The following LTK variants were observed in gnomAD, a reference collection of about 807,000 sequenced individuals.
LTK encodes leukocyte tyrosine kinase receptor.
In LTK, 117 loss-of-function variants were observed where a neutral mutation model predicts 101.5. The observed-to-expected ratio is 1.15, with a 90% confidence interval of 0.99 to 1.34. The LOEUF is 1.34. LTK is among the 40% of genes most tolerant of loss of function. LTK has a pLI of 0.00. For missense variants in LTK, 1,252 were observed against 1,164.7 expected, an observed-to-expected ratio of 1.07 and a Z score of -1.09; for synonymous variants, 563 against 494.2, an observed-to-expected ratio of 1.14 and a Z score of -1.85.
Position 41,507,223 on chromosome 15 carries a change from C to T in LTK, c.1413G>A (p.Lys471=). 1 of 1,613,368 alleles carries T rather than the reference C, an allele frequency of 6.2e-7. No homozygotes were observed. The highest frequency in any genetic ancestry group is 1.7e-5 in the Admixed American group (1 of 59,690). ...RLPSPELELS[K]LRTSAIRTAP... The stretch of plus-strand genomic sequence containing the variant: ...CTGTCCTGATGGCAGAGGTTCGAAG[C>T]TTGCTCAGCTCAAGCTCAGGGCTCG... The change falls in exon 11 of 20, where the codon AAG becomes AAA. Residue 471 remains lysine (K), a synonymous_variant. Coordinates refer to ENST00000263800, the MANE Select transcript of LTK (RefSeq NM_002344.6).
chr15:41,511,581 G>T lies in LTK; in HGVS notation c.658-3C>A. On this transcript the variant is annotated splice_region_variant and splice_polypyrimidine_tract_variant and intron_variant, in intron 5 of 19. Coordinates refer to ENST00000263800, the MANE Select transcript of LTK (RefSeq NM_002344.6). This position sits in a 1 kb window ranked among gnomAD's most constrained non-coding sequence, Gnocchi z 5.9. The stretch of plus-strand genomic sequence containing the variant: ...GGTTCCAGCTCGCCAGCGCGCACCT[G>T]TGGGGCCAGCGGCGTGTTCCAGGAA... 6.9e-7 allele frequency: 1 copy of T among 1,440,824 alleles called. No homozygotes were observed. The highest frequency in any genetic ancestry group is 9.0e-7 in the Non-Finnish European group (1 of 1,109,200). The allele number at this position is 1,440,824 out of a possible 1,614,324, so 89.3% of individuals were successfully genotyped here. A position where few individuals can be genotyped will look rare whatever the true frequency, so the allele number is the denominator to read the frequency against.
intron 13 of LTK, 70 bp from the exon 14 acceptor site, chr15:41,505,600 C>A: frequency 1.2e-6 from 2 of 1,607,898 alleles, no homozygotes; most frequent in South Asian, 2.2e-5. Flanking sequence ...CTCCACAAAG[C>A]TGGAGAGGCC....
chr15:41,512,047 TC>T lies in LTK; in HGVS notation c.510+67del, dbSNP rs2051488640. The T allele has an allele frequency of 1.0e-5, 15 of 1,484,926 alleles. No individual in the cohort carries two copies. In the South Asian group the frequency reaches 1.6e-4, roughly 15 times the overall value. The allele number at this position is 1,484,926 out of a possible 1,614,324, so 92.0% of individuals were successfully genotyped here. On this transcript the variant is annotated intron_variant, in intron 4 of 19. Coordinates refer to ENST00000263800, the MANE Select transcript of LTK (RefSeq NM_002344.6). ...TGACCCGGCACCGAGGAAAGCACGCTCCCCCGGCCCCCAGGCAGCCCTCGCC... is the reference window on the plus strand; with the variant it reads ...TGACCCGGCACCGAGGAAAGCACGCTCCCCGGCCCCCAGGCAGCCCTCGCC...
chr15:41,505,378 G>GT (rs765502398), intron 14 of LTK, 23 bp downstream of exon 14: 2 of 1,613,706 alleles, frequency 1.2e-6, no homozygotes, highest in South Asian at 1.1e-5. Flanking sequence ...AGGGGCCTGG[G>GT]GGGGCTAAGA....
intron 1 of LTK, 87 bp downstream of exon 1, chr15:41,513,580 C>T: frequency 7.9e-7 from 1 of 1,265,766 alleles, no homozygotes; most frequent in Non-Finnish European, 1.2e-6. Flanking sequence ...GGAGGAACCA[C>T]TGACACCTGG....
In LTK at chr15:41,511,174, GCCGCCGCCTCCGCCCGCAGTGCAGGCC is replaced by G. The variant is rs1223976885; in HGVS notation, c.960_986del (p.Ala321_Gly329del). ...CAACGGTGCACCTACCCCTGTAGCC[GCCGCCGCCTCCGCCCGCAGTGCAGGCC>G]CCGCCGCCGCCCCCGAAGCCGCCGG... On this transcript the variant is annotated inframe_deletion, in exon 7 of 20. Coordinates refer to ENST00000263800, the MANE Select transcript of LTK (RefSeq NM_002344.6). The surrounding 1 kb of genome is among the most constrained non-coding windows in gnomAD (Gnocchi z 5.9). 1.4e-6 allele frequency: 2 copies of G among 1,405,746 alleles called. No individual in the cohort carries two copies. The highest frequency in any genetic ancestry group is 1.8e-6 in the Non-Finnish European group (2 of 1,088,410). 87.1% of individuals were successfully genotyped at this position (1,405,746 alleles called of 1,614,324 possible).
At chr15:41,507,419 T>A in intron 10 of LTK, 129 bp from the exon 11 acceptor site, 1 of 1,522,704 alleles carries the variant, frequency 6.6e-7, no homozygotes, top group Non-Finnish European at 8.9e-7. Context: ...AGCTCCTTCC[T>A]ATCTTAGAAT....
intron 13 of LTK, 67 bp downstream of exon 13, chr15:41,505,646 G>A: frequency 1.2e-6 from 2 of 1,607,270 alleles, no homozygotes; most frequent in South Asian, 2.2e-5. Context: ...CAGCCTCAGG[G>A]TGAAGAGAAA....
rs150610943 is a variant in LTK at position 41,508,191 on chromosome 15, C to T, written c.1127G>A (p.Arg376Gln). The T allele has an allele frequency of 2.1e-5, 34 of 1,612,522 alleles. No individual in the cohort carries two copies. Among genetic ancestry groups the T allele is most frequent in the Non-Finnish European group, 2.6e-5 (31 of 1,179,346 alleles). Residue 376 changes from arginine (R) to glutamine (Q), a missense_variant, in exon 9 of 20, where the codon CGA (arginine) becomes CAA (glutamine). Arg to Gln is a conservative substitution (Grantham distance 43). Coordinates refer to ENST00000263800, the MANE Select transcript of LTK (RefSeq NM_002344.6). ...VTENHGEVEI[R>Q]RHLNCSHCPL... ...GCAGTGACTGCAGTTGAGGTGCCTTCGGATCTCTACCTCTCCGTGGTTCTC... is the reference window on the plus strand; with the variant it reads ...GCAGTGACTGCAGTTGAGGTGCCTTTGGATCTCTACCTCTCCGTGGTTCTC...
At chr15:41,504,686 C>G (rs960860616) in intron 17 of LTK, 46 bp from the exon 18 acceptor site, 18 of 1,606,644 alleles carry the variant, frequency 1.1e-5, no homozygotes, top group Non-Finnish European at 1.5e-5. Context: ...CAGGTGTAGC[C>G]TCCCCTCACA....
intron 10 of LTK, 24 bp downstream of exon 10, chr15:41,507,538 C>T (rs769420497): frequency 1.2e-6 from 2 of 1,610,732 alleles, no homozygotes; most frequent in South Asian, 1.1e-5. Flanking sequence ...CTTGAATCAA[C>T]TGTGCCTGCT....
At chr15:41,507,336 C>G in intron 10 of LTK, 46 bp from the exon 11 acceptor site, 2 of 1,533,326 alleles carry the variant, frequency 1.3e-6, no homozygotes, top group Non-Finnish European at 1.8e-6. Flanking sequence ...TGCCCATCAA[C>G]TCTCCCTCCC....
Position 41,508,223 on chromosome 15 carries a change from T to C in LTK, c.1097-2A>G. On this transcript the variant is annotated splice_acceptor_variant, in intron 8 of 19. Transcript: ENST00000263800. LOFTEE classifies it high-confidence loss of function. ...CTACCTCTCCGTGGTTCTCGGTGAC[T>C]GTGAGTAAAAGAACTGATATGATAT... The C allele has an allele frequency of 6.2e-7, 1 of 1,609,138 alleles. No individual in the cohort carries two copies. Among genetic ancestry groups the C allele is most frequent in the Non-Finnish European group, 8.5e-7 (1 of 1,177,900 alleles).
At position 41,513,009 on chromosome 15, in the gene LTK, A is replaced by C; in HGVS notation, c.155T>G (p.Ile52Ser). Residue 52 changes from isoleucine (I) to serine (S), a missense_variant, in exon 2 of 20, where the codon ATC becomes AGC. Coordinates refer to ENST00000263800, the MANE Select transcript of LTK (RefSeq NM_002344.6). ...RDPKVSAPPS[I>S]LEPASPLNSP... ...ATTCAGCGGGGAGGCTGGCTCCAAG[A>C]TACTAGGCGGGGCGCTGACTTTCGG... The C allele has an allele frequency of 6.2e-7, 1 of 1,613,378 alleles. No individual in the cohort carries two copies. The highest frequency in any genetic ancestry group is 8.5e-7 in the Non-Finnish European group (1 of 1,179,880).
chr15:41,512,777 C>G lies in LTK; in HGVS notation c.289G>C (p.Val97Leu). 6.2e-7 allele frequency: 1 copy of G among 1,611,636 alleles called. No homozygotes were observed. The highest frequency in any genetic ancestry group is 8.5e-7 in the Non-Finnish European group (1 of 1,179,532). The change falls in exon 3 of 20, where the codon GTG becomes CTG. Residue 97 changes from valine (V) to leucine (L), a missense_variant. Val to Leu is a conservative substitution (Grantham distance 32, BLOSUM62 1). Transcript: ENST00000263800. ...AGCTGCCCGGCGGCCCCCACGGTCA[C>G]CACCACGCTGGTCCCCGCGTACGCC... ...DGAYAGTSVV[V>L]TVGAAGQLRG...
intron 7 of LTK, among the ~76,000 whole-genome samples, chr15:41,510,602 C>T (rs1003228101): frequency 2.0e-4 from 30 of 152,098 alleles, no homozygotes. Flanking sequence ...GCTGGGATTA[C>T]AGGCTCCCGC....
Position 41,504,137 on chromosome 15 carries a change from T to C in LTK, c.2454A>G (p.Pro818=). 1 of 1,614,034 alleles carries C rather than the reference T, an allele frequency of 6.2e-7. No homozygotes were observed. Among genetic ancestry groups the C allele is most frequent in the Non-Finnish European group, 8.5e-7 (1 of 1,179,986 alleles). ...GNRSLECLRP[P]QPQELSPEKL... ...TCTCTGGACTCAGTTCCTGGGGCTG[T>C]GGGGGTCTTAGGCACTCCAAAGATC... The change falls in exon 20 of 20, where the codon CCA becomes CCG. Residue 818 remains proline (P), a synonymous_variant. Transcript: ENST00000263800.
chr15:41,511,422 C>T lies in LTK; in HGVS notation c.814G>A (p.Gly272Ser). The T allele has an allele frequency of 7.2e-7, 1 of 1,386,324 alleles. No individual in the cohort carries two copies. The highest frequency in any genetic ancestry group is 9.3e-7 in the Non-Finnish European group (1 of 1,079,110). The allele number at this position is 1,386,324 out of a possible 1,614,324, so 85.9% of individuals were successfully genotyped here. ...PGSGGRGGAAGGGGGWTSRAP... is the reference protein window; with the variant it reads ...PGSGGRGGAASGGGGWTSRAP... ...CTCTCCCCGCGGCCCGCGCCCTCAC[C>T]TGCCGCCCCGCCTCTCCCGCCGCTC... The change falls in exon 6 of 20, where the codon GGT (glycine) becomes AGT (serine). Residue 272 changes from glycine to serine, a missense_variant and splice_region_variant. Transcript: ENST00000263800. This position sits in a 1 kb window ranked among gnomAD's most constrained non-coding sequence, Gnocchi z 5.9.
chr15:41,504,729 G>A lies in LTK; in HGVS notation c.2120+44C>T, dbSNP rs755420908. 5.2e-6 allele frequency: 8 copies of A among 1,540,410 alleles called. No individual in the cohort carries two copies. In the East Asian group the frequency reaches 8.9e-5, roughly 17 times the overall value. On this transcript the variant is annotated intron_variant, in intron 17 of 19. Coordinates refer to ENST00000263800, the MANE Select transcript of LTK (RefSeq NM_002344.6). The stretch of plus-strand genomic sequence containing the variant: ...GCTGGAAAGGACAGGATTAGCCTCA[G>A]GGGAGGGGAACAGTGGGGAAGGGGA...
Sources: allele counts gnomAD v4.1 joint callset (sites outside exome capture counted in the v4.1 genomes callset), GRCh38; gene constraint gnomAD v4.1.1; non-coding constraint Gnocchi (gnomAD v3.1); transcripts MANE v1.5; gene names NCBI Gene and HGNC (gene_info 2026-07-23, HGNC 2026-07-21).